Variants in TBC1D9 observed in about 807,000 individuals in gnomAD.
TBC1D9 encodes the protein TBC1 domain family member 9.
In TBC1D9, 63 loss-of-function variants were observed where a neutral mutation model predicts 132.0. The observed-to-expected ratio is 0.48, with a 90% CI of 0.39 to 0.59. The LOEUF is 0.59. TBC1D9 is among the 20% of genes least tolerant of loss of function. The pLI, the probability that TBC1D9 is intolerant of heterozygous loss-of-function variation, is 0.00. For synonymous variants in TBC1D9, 610 were observed against 609.9 expected, an observed-to-expected ratio of 1.00 and a Z score of 0.00; for missense variants, 1,261 against 1,592.7, an observed-to-expected ratio of 0.79 and a Z score of 3.54.
chr4:140,649,394 G>A (rs1737151613), intron 13 of TBC1D9, among the ~76,000 whole-genome samples: 1 of 152,202 alleles, frequency 6.6e-6, no homozygotes. Flanking sequence ...TGCAGAATGG[G>A]GTTCACTACT....
intron 1 of TBC1D9, among the ~76,000 whole-genome samples, chr4:140,714,521 C>A (rs1738300386): frequency 1.3e-5 from 2 of 151,962 alleles, no homozygotes; most frequent in Non-Finnish European, 2.9e-5. Context: ...TTATGGAGAC[C>A]AAAATTCTTA....
intron 1 of TBC1D9, among the ~76,000 whole-genome samples, chr4:140,740,713 G>GT (rs1347789925): frequency 6.6e-6 from 1 of 152,170 alleles, no homozygotes; most frequent in African/African-American, 2.4e-5. Context: ...CTGTGCTAGT[G>GT]TTTTTCCCAG....
chr4:140,689,052 G>A (rs1257105300), intron 2 of TBC1D9, among the ~76,000 whole-genome samples: 1 of 152,028 alleles, frequency 6.6e-6, no homozygotes, highest in Non-Finnish European at 1.5e-5. Context: ...ACTGTCAGAT[G>A]GACTGCACCT....
At chr4:140,709,246 TCTCACACA>T (rs1262390899) in intron 1 of TBC1D9, among the ~76,000 whole-genome samples, 19 of 102,382 alleles carry the variant, frequency 1.9e-4, no homozygotes, top group African/African-American at 7.3e-4. Flanking sequence ...TCTCTCTCTC[TCTCACACA>T]CACACACACA....
chr4:140,679,691 C>A lies in TBC1D9; in HGVS notation c.513G>T (p.Gly171=). The A allele has an allele frequency of 6.2e-7, 1 of 1,613,850 alleles. No individual in the cohort carries two copies. Among genetic ancestry groups the A allele is most frequent in the Non-Finnish European group, 8.5e-7 (1 of 1,179,838 alleles). ...ACATCCAACCCTGACGGGGGACCTT[C>A]CCCTTCCAATAGCTGCAAGAGTAAT... The part of the protein sequence containing the change: ...VNYYSCSYWK[G]KVPRQGWMYL... Residue 171 remains glycine (G), a synonymous_variant, in exon 4 of 21, where the codon GGG becomes GGT. Transcript: ENST00000442267.
chr4:140,709,248 T>TCTCACACACACACA (rs1382500714), intron 1 of TBC1D9, among the ~76,000 whole-genome samples: 19 of 104,150 alleles, frequency 1.8e-4, no homozygotes, highest in African/African-American at 8.4e-4. Context: ...TCTCTCTCTC[T>TCTCACACACACACA]CACACACACA....
chr4:140,701,067 A>T (rs935816964), intron 2 of TBC1D9: 5 of 189,360 alleles, frequency 2.6e-5, no homozygotes. Flanking sequence ...ACATCCAAGT[A>T]TTCCACACAA....
chr4:140,731,026 T>A lies in TBC1D9; in HGVS notation c.130+24890A>T, dbSNP rs147941670. On this transcript the variant is annotated intron_variant, in intron 1 of 20. Transcript: ENST00000442267. ...CTTTACCCAAAGACAGTCAGCCACA[T>A]TCTTACTCAGACCATGGGACCATTT... is the stretch of plus-strand genomic sequence containing the variant. Among the ~76,000 whole-genome samples the A allele has an allele frequency of 6.6e-3, 1,001 of 152,326 alleles. 35 individuals are homozygous for A. The highest frequency in any genetic ancestry group is 0.06 in the Admixed American group (916 of 15,304).
chr4:140,621,267 C>G lies in TBC1D9; in HGVS notation c.*928G>C, dbSNP rs1430622318. ...GATATGTGGTATAAATTTCTTCAAT[C>G]TATGGAGAATACGGAAATGGTAAAG... On this transcript the variant is annotated 3_prime_UTR_variant, in exon 21 of 21. Transcript: ENST00000442267. The G allele has an allele frequency of 6.6e-6, 1 of 152,540 alleles. No individual in the cohort carries two copies. Among genetic ancestry groups the G allele is most frequent in the Non-Finnish European group, 1.5e-5 (1 of 68,016 alleles). 9.4% of individuals were successfully genotyped at this position (152,540 alleles called of 1,614,324 possible).
chr4:140,668,714 G>A (rs1247527049), intron 9 of TBC1D9, among the ~76,000 whole-genome samples: 1 of 152,180 alleles, frequency 6.6e-6, no homozygotes. Flanking sequence ...TCAACATTTG[G>A]TCCGCTTCCT....
rs1275901886 is a variant in TBC1D9, at chr4:140,659,685, T to C, written c.1824A>G (p.Ser608=). ...GYCQAMNIVT[S]VLLLYAKEEE... ...CCTCTTTGGCATAAAGCAGCAGCAC[T>C]GAAGTGACAATATTCATGGCCTAAA... Residue 608 remains serine, a synonymous_variant, in exon 11 of 21, where the codon TCA becomes TCG. Coordinates refer to ENST00000442267, the MANE Select transcript of TBC1D9 (RefSeq NM_015130.3). 6.2e-7 allele frequency: 1 copy of C among 1,605,472 alleles called. No homozygotes were observed. The highest frequency in any genetic ancestry group is 1.7e-5 in the Admixed American group (1 of 58,930).
chr4:140,714,190 G>C (rs1040724568), intron 1 of TBC1D9, among the ~76,000 whole-genome samples: 2 of 152,200 alleles, frequency 1.3e-5, no homozygotes, highest in African/African-American at 4.8e-5. Context: ...TGGCAAAAAA[G>C]AGTCAAGCTC....
chr4:140,727,715 T>C (rs1266701122), intron 1 of TBC1D9, among the ~76,000 whole-genome samples: 1 of 152,068 alleles, frequency 6.6e-6, no homozygotes, highest in African/African-American at 2.4e-5. Flanking sequence ...GCATCCTTGG[T>C]GCCTACATGT....
chr4:140,679,913 A>G, intron 3 of TBC1D9, 70 bp from the exon 4 acceptor site: 1 of 1,330,290 alleles, frequency 7.5e-7, no homozygotes, highest in Non-Finnish European at 1.0e-6. Flanking sequence ...ATTCCAGAAG[A>G]AAAAATTTCT....
At position 140,679,658 on chromosome 4, in the gene TBC1D9, G is replaced by A. The variant is rs759134276; in HGVS notation, c.546C>T (p.Ser182=). ...AAGAATAAAAGCAAAGGTGGTTAAT[G>A]CTGAGGTACATCCAACCCTGACGGG... ...KVPRQGWMYL[S]INHLCFYSFL... The change falls in exon 4 of 21, where the codon AGC becomes AGT. Residue 182 remains serine (S), a synonymous_variant. Transcript: ENST00000442267. The A allele has an allele frequency of 6.2e-7, 1 of 1,613,804 alleles. No homozygotes were observed. Among genetic ancestry groups the A allele is most frequent in the East Asian group, 2.2e-5 (1 of 44,870 alleles).
chr4:140,717,673 A>C (rs1382988140), intron 1 of TBC1D9, among the ~76,000 whole-genome samples: 1 of 152,190 alleles, frequency 6.6e-6, no homozygotes, highest in Admixed American at 6.5e-5. Flanking sequence ...CCTCTATGAA[A>C]TCTAGAACAC....
At chr4:140,631,260 T>C (rs1050535844) in intron 16 of TBC1D9, among the ~76,000 whole-genome samples, 1 of 152,240 alleles carries the variant, frequency 6.6e-6, no homozygotes, top group Non-Finnish European at 1.5e-5. Context: ...TCTTGCTCTG[T>C]TGCCCAGGCT....
intron 10 of TBC1D9, among the ~76,000 whole-genome samples, chr4:140,661,039 C>A (rs187414972): frequency 2.3e-3 from 349 of 152,160 alleles, no homozygotes; most frequent in African/African-American, 7.5e-3. Context: ...CTCAGCCTCC[C>A]GAGTAGCTGG....
At chr4:140,643,428 C>A (rs1036767256) in intron 13 of TBC1D9, 17 of 973,036 alleles carry the variant, frequency 1.7e-5, no homozygotes, top group Non-Finnish European at 2.7e-5. Flanking sequence ...GTCTTCCAGG[C>A]CGGGCAGGAA....
Sources: allele counts gnomAD v4.1 joint callset (sites outside exome capture counted in the v4.1 genomes callset), GRCh38; gene constraint gnomAD v4.1.1; transcripts MANE v1.5; gene names NCBI Gene and HGNC (gene_info 2026-07-23, HGNC 2026-07-21).